The following LATS1 variants were observed in gnomAD, a reference collection of about 807,000 sequenced individuals.
LATS1 encodes serine/threonine-protein kinase LATS1.
A neutral mutation model predicts 106.6 loss-of-function variants in LATS1; 25 were observed. The observed-to-expected ratio is 0.23, with a 90% CI of 0.17 to 0.33. LATS1 has a LOEUF of 0.33. Among genes scored for constraint, LATS1 ranks in the 10% least tolerant of loss-of-function variants. LATS1 has a pLI of 1.00. For missense variants in LATS1, 1,040 were observed against 1,382.6 expected (o/e 0.75, Z 3.93); for synonymous variants, 465 against 455.6 (o/e 1.02, Z -0.26).
intron 1 of LATS1, among the ~76,000 whole-genome samples, chr6:149,712,745 A>T (rs1582935604): frequency 6.6e-6 from 1 of 152,130 alleles, no homozygotes; most frequent in Non-Finnish European, 1.5e-5. Context: ...TGTAATTCCA[A>T]AACTTTTGGA....
chr6:149,683,312 T>C lies in LATS1; in HGVS notation c.1777A>G (p.Ser593Gly). ...TCAACATTTTCATAACTCTTTTCACTCTCATCTTCCTTGGGCAAGCTTGGC... is the reference window on the plus strand; with the variant it reads ...TCAACATTTTCATAACTCTTTTCACCCTCATCTTCCTTGGGCAAGCTTGGC... ...DQPSLPKEDE[S>G]EKSYENVDSG... is the part of the protein sequence containing the mutation. The change falls in exon 4 of 8, where the codon AGT becomes GGT. Residue 593 changes from serine (S) to glycine (G), a missense_variant. This residue lies in a region of LATS1 where 167 missense variants were observed against 332.1 expected (regional missense o/e 0.50). Coordinates refer to ENST00000543571, the MANE Select transcript of LATS1 (RefSeq NM_004690.4). The C allele has an allele frequency of 6.2e-7, 1 of 1,614,222 alleles. No individual in the cohort carries two copies. Among genetic ancestry groups the C allele is most frequent in the Non-Finnish European group, 8.5e-7 (1 of 1,180,026 alleles).
chr6:149,680,864 T>C (rs1562329549), intron 4 of LATS1, among the ~76,000 whole-genome samples: 1 of 152,090 alleles, frequency 6.6e-6, no homozygotes, highest in African/African-American at 2.4e-5. Flanking sequence ...TCAAATATTC[T>C]TCCTATTTTG....
intron 1 of LATS1, among the ~76,000 whole-genome samples, chr6:149,702,871 C>T (rs1226389284): frequency 2.0e-5 from 3 of 151,730 alleles, no homozygotes; most frequent in South Asian, 4.2e-4. Flanking sequence ...GAGGGGGTTT[C>T]GCCATGTTGG....
chr6:149,695,127 C>A lies in LATS1; in HGVS notation c.443G>T (p.Arg148Leu), dbSNP rs776007110. The A allele has an allele frequency of 1.2e-6, 2 of 1,613,210 alleles. No homozygotes were observed. ...GGCAGCTGCTGCAGCCATCTGCTCT[C>A]GTCGAGGATCTTGGTAACTCATTTT... is the stretch of plus-strand genomic sequence containing the variant. ...ISKMSYQDPRREQMAAAAARP... is the reference protein window; with the variant it reads ...ISKMSYQDPRLEQMAAAAARP... Residue 148 changes from arginine to leucine, a missense_variant, in exon 3 of 8, where the codon CGA (arginine) becomes CTA (leucine). Physicochemically the swap from Arg to Leu is moderately radical, Grantham distance 102. Around this residue, in one of 7 missense-constraint regions of LATS1, gnomAD observed 624 missense variants for 714.8 expected, o/e 0.87. Transcript: ENST00000543571.
chr6:149,694,807 A>G (rs914035833), intron 3 of LATS1, among the ~76,000 whole-genome samples: 3 of 152,218 alleles, frequency 2.0e-5, no homozygotes, highest in African/African-American at 7.2e-5. Flanking sequence ...ATTTGGAGGG[A>G]AAATAGACAT....
chr6:149,687,227 A>C (rs1782440441), intron 3 of LATS1, among the ~76,000 whole-genome samples: 1 of 151,520 alleles, frequency 6.6e-6, no homozygotes, highest in Admixed American at 6.6e-5. Flanking sequence ...TGTAGCTGGG[A>C]TTACAGGCAG....
intron 1 of LATS1, chr6:149,716,110 T>C (rs1419129133): frequency 1.2e-4 from 19 of 152,004 alleles, no homozygotes; most frequent in Admixed American, 1.0e-3. Flanking sequence ...ACAAGTATCA[T>C]TGATTAGTTT....
intron 3 of LATS1, among the ~76,000 whole-genome samples, chr6:149,687,582 A>G (rs1195082300): frequency 6.6e-6 from 1 of 151,542 alleles, no homozygotes; most frequent in Non-Finnish European, 1.5e-5. Flanking sequence ...GGCATGCATC[A>G]CCATGCCCAG....
Position 149,683,121 on chromosome 6 carries a change from C to T in LATS1, c.1968G>A (p.Gln656=), listed in dbSNP as rs1267441499. The T allele has an allele frequency of 1.2e-6, 2 of 1,613,354 alleles. No homozygotes were observed. The highest frequency in any genetic ancestry group is 1.7e-5 in the Admixed American group (1 of 59,990). The change falls in exon 4 of 8, where the codon CAG becomes CAA. Residue 656 remains glutamine (Q), a synonymous_variant. Transcript: ENST00000543571. The part of the protein sequence containing the change: ...HVENVLKSHQ[Q]RLHRKKQLEN... ...CTAATTGTTTTTTACGATGTAGACG[C>T]TGCTGATGAGATTTGAGTACATTTT...
At position 149,679,902 on chromosome 6, in the gene LATS1, T is replaced by C; in HGVS notation, c.2566A>G (p.Thr856Ala). The C allele has an allele frequency of 1.2e-6, 2 of 1,606,698 alleles. No individual in the cohort carries two copies. The highest frequency in any genetic ancestry group is 2.2e-5 in the South Asian group (2 of 90,158). ...CTCTGATAGTACTTAGAATCGTGTGTCCATCTGAAGCCAGTGCAGAGGCCA... is the reference window on the plus strand; with the variant it reads ...CTCTGATAGTACTTAGAATCGTGTGCCCATCTGAAGCCAGTGCAGAGGCCA... ...DFGLCTGFRW[T>A]HDSKYYQSGD... The change falls in exon 5 of 8, where the codon ACA (threonine) becomes GCA (alanine). Residue 856 changes from threonine (T) to alanine (A), a missense_variant. Around this residue, in one of 7 missense-constraint regions of LATS1, gnomAD observed 63 missense variants for 64.3 expected, o/e 0.98. Transcript: ENST00000543571.
At chr6:149,675,945 A>T (rs560260977) in intron 7 of LATS1, 27 of 276,296 alleles carry the variant, frequency 9.8e-5, no homozygotes, top group Admixed American at 2.5e-4. Context: ...GGCATCATGG[A>T]GACTGGAGTT....
chr6:149,697,259 A>T, intron 2 of LATS1: 2 of 649,836 alleles, frequency 3.1e-6, no homozygotes, highest in Non-Finnish European at 5.0e-6. Flanking sequence ...TTGCCTACCT[A>T]AGGTCATTTC....
intron 3 of LATS1, among the ~76,000 whole-genome samples, chr6:149,685,245 AT>A (rs1265261855): frequency 9.9e-5 from 15 of 152,092 alleles, no homozygotes; most frequent in East Asian, 9.6e-4. Context: ...CTCAAAAAAA[AT>A]ATATATATAT....
intron 1 of LATS1, among the ~76,000 whole-genome samples, chr6:149,709,570 G>T (rs1400445112): frequency 1.3e-5 from 2 of 151,574 alleles, no homozygotes; most frequent in African/African-American, 4.8e-5. Context: ...TTTACATAAT[G>T]GGAACTTTGG....
chr6:149,716,227 C>A (rs1784383593), intron 1 of LATS1: 1 of 152,140 alleles, frequency 6.6e-6, no homozygotes, highest in African/African-American at 2.4e-5. Context: ...TGCAGTAGTG[C>A]ACCTGTAGTC....
intron 3 of LATS1, among the ~76,000 whole-genome samples, chr6:149,686,024 C>G (rs1782358870): frequency 6.6e-6 from 1 of 152,048 alleles, no homozygotes; most frequent in Admixed American, 6.6e-5. Flanking sequence ...TCTTCCCAGG[C>G]ATGACAAAAG....
chr6:149,685,531 G>A (rs978239314), intron 3 of LATS1, among the ~76,000 whole-genome samples: 19 of 151,892 alleles, frequency 1.3e-4, no homozygotes, highest in Non-Finnish European at 2.2e-4. Context: ...GACTACAGGC[G>A]CACGCCACCA....
chr6:149,677,055 A>C (rs1244969807), intron 5 of LATS1, among the ~76,000 whole-genome samples: 1 of 152,262 alleles, frequency 6.6e-6, no homozygotes, highest in Non-Finnish European at 1.5e-5. Context: ...TACTCTGGAC[A>C]AACTTTCAAA....
At chr6:149,675,215 C>CAAA (rs67049932) in intron 7 of LATS1, among the ~76,000 whole-genome samples, 1 of 111,632 alleles carries the variant, frequency 9.0e-6, no homozygotes. Flanking sequence ...GACTCTGTAT[C>CAAA]AAAAAAAAAA....
Sources: gnomAD v4.1 joint callset for allele counts (sites outside exome capture counted in the v4.1 genomes callset) on GRCh38, gnomAD v4.1.1 for gene constraint, gnomAD v4.1.1 regional missense constraint, MANE v1.5 for transcripts, NCBI Gene and HGNC (gene_info 2026-07-23, HGNC 2026-07-21) for gene names.